Variants in APBB2 observed in about 807,000 individuals in gnomAD.
APBB2 encodes the protein amyloid beta precursor protein binding family B member 2.
APBB2 carries 38 observed loss-of-function variants against 82.5 expected under a neutral mutation model. The ratio of observed to expected loss-of-function variants is 0.46; its 90% confidence interval spans 0.36 to 0.60. The LOEUF (loss-of-function observed/expected upper bound fraction) is 0.60. APBB2 is among the 20% of genes least tolerant of loss of function. The probability of loss-of-function intolerance (pLI) is 0.00; values close to 1 mark genes in which losing one functional copy is unlikely to be tolerated. For synonymous variants in APBB2, 341 were observed against 368.2 expected (o/e 0.93, Z 0.85); for missense variants, 772 against 972.3 (o/e 0.79, Z 2.74).
intron 12 of APBB2, among the ~76,000 whole-genome samples, chr4:40,831,611 T>C (rs1329506005): frequency 6.6e-6 from 1 of 152,012 alleles, no homozygotes; most frequent in Non-Finnish European, 1.5e-5. Flanking sequence ...AAGCAAACAA[T>C]AGGCTCTGAT....
At chr4:40,902,644 C>T (rs1476067383) in intron 10 of APBB2, among the ~76,000 whole-genome samples, 2 of 152,206 alleles carry the variant, frequency 1.3e-5, no homozygotes, top group African/African-American at 2.4e-5. Flanking sequence ...AGCAATCCTT[C>T]CACCTCAGCC....
intron 1 of APBB2, among the ~76,000 whole-genome samples, chr4:41,199,940 G>A (rs1221146690): frequency 6.6e-6 from 1 of 152,168 alleles, no homozygotes; most frequent in Non-Finnish European, 1.5e-5. Context: ...TTCCACAATA[G>A]GCTAATTCAG....
intron 2 of APBB2, among the ~76,000 whole-genome samples, chr4:41,140,606 C>T (rs1359133015): frequency 2.0e-5 from 3 of 152,146 alleles, no homozygotes; most frequent in Admixed American, 6.5e-5. Context: ...CCCCTGGTAC[C>T]AGTCTGTGGC....
chr4:40,867,495 A>G (rs888498206), intron 12 of APBB2, among the ~76,000 whole-genome samples: 3 of 152,206 alleles, frequency 2.0e-5, no homozygotes, highest in African/African-American at 7.2e-5. Flanking sequence ...TAAGAGGTGA[A>G]GCCAAAATTT....
chr4:40,835,961 A>C (rs1490137761), intron 12 of APBB2, among the ~76,000 whole-genome samples: 1 of 152,116 alleles, frequency 6.6e-6, no homozygotes, highest in East Asian at 1.9e-4. Context: ...GCACCCCATC[A>C]CTGGAGTGGG....
intron 6 of APBB2, among the ~76,000 whole-genome samples, chr4:41,012,567 C>T (rs539051057): frequency 1.3e-5 from 2 of 151,794 alleles, no homozygotes; most frequent in East Asian, 3.9e-4. Context: ...AAAAACGCTA[C>T]TTTTTTTTTC....
chr4:41,000,995 C>T (rs192694486), intron 6 of APBB2, among the ~76,000 whole-genome samples: 1 of 152,212 alleles, frequency 6.6e-6, no homozygotes, highest in African/African-American at 2.4e-5. Flanking sequence ...TCTTTGTCCA[C>T]AGAGAGCAAG....
At chr4:40,904,223 G>A (rs1418874684) in intron 10 of APBB2, among the ~76,000 whole-genome samples, 1 of 152,098 alleles carries the variant, frequency 6.6e-6, no homozygotes, top group Non-Finnish European at 1.5e-5. Flanking sequence ...TTGAGGTCAG[G>A]AGTTCGAGAC....
At chr4:41,154,656 T>C (rs1763031977) in intron 1 of APBB2, among the ~76,000 whole-genome samples, 1 of 152,182 alleles carries the variant, frequency 6.6e-6, no homozygotes, top group African/African-American at 2.4e-5. Context: ...TCTCTTGAAA[T>C]TGTGTAACCT....
intron 10 of APBB2, among the ~76,000 whole-genome samples, chr4:40,912,853 G>A (rs1197871391): frequency 6.6e-6 from 1 of 152,194 alleles, no homozygotes; most frequent in Non-Finnish European, 1.5e-5. Flanking sequence ...TATTCCTGCT[G>A]ATACGCAGCA....
chr4:41,186,610 G>A (rs1772975233), intron 1 of APBB2, among the ~76,000 whole-genome samples: 1 of 152,154 alleles, frequency 6.6e-6, no homozygotes, highest in African/African-American at 2.4e-5. Context: ...TTGTAGTTCA[G>A]ATCTCTACTT....
At chr4:40,879,079 A>G (rs1186629192) in intron 12 of APBB2, among the ~76,000 whole-genome samples, 1 of 152,076 alleles carries the variant, frequency 6.6e-6, no homozygotes, top group Non-Finnish European at 1.5e-5. Flanking sequence ...AGTTGAAGTT[A>G]TAACAAAGAA....
rs764985059 is a variant in APBB2 at position 41,127,746 on chromosome 4, C to T, written c.-261+15241G>A. Among the ~76,000 whole-genome samples, 6 of 151,700 alleles carry T rather than the reference C, an allele frequency of 4.0e-5. No individual in the cohort carries two copies. Among genetic ancestry groups the T allele is most frequent in the African/African-American group, 9.7e-5 (4 of 41,282 alleles). On this transcript the variant is annotated intron_variant, in intron 2 of 17. Transcript: ENST00000508593. The surrounding 1 kb of genome is among the most constrained non-coding windows in gnomAD (Gnocchi z 4.8). ...CTGTAATCCCAGCACTTTGGGAGGCCGAGGTGGGTGGATTACCTGAGGTCA... is the reference window on the plus strand; with the variant it reads ...CTGTAATCCCAGCACTTTGGGAGGCTGAGGTGGGTGGATTACCTGAGGTCA...
chr4:41,166,771 C>T (rs2154049393), intron 1 of APBB2, among the ~76,000 whole-genome samples: 1 of 152,188 alleles, frequency 6.6e-6, no homozygotes, highest in Non-Finnish European at 1.5e-5. Flanking sequence ...GTGGCACATG[C>T]TTGTAATCTC....
At chr4:41,147,148 A>G (rs1761001253) in intron 1 of APBB2, among the ~76,000 whole-genome samples, 1 of 152,202 alleles carries the variant, frequency 6.6e-6, no homozygotes. Context: ...GGTATTTCAC[A>G]ATGAAATCAT....
At chr4:41,169,498 A>C (rs1767660953) in intron 1 of APBB2, among the ~76,000 whole-genome samples, 3 of 152,222 alleles carry the variant, frequency 2.0e-5, no homozygotes, top group African/African-American at 7.2e-5. Flanking sequence ...AGCAACTGCC[A>C]ATTTTGAACC....
chr4:41,053,171 G>A (rs989404476), intron 4 of APBB2, among the ~76,000 whole-genome samples: 2 of 151,780 alleles, frequency 1.3e-5, no homozygotes, highest in African/African-American at 4.8e-5. Context: ...CCAAGGCTAG[G>A]GAAAAAAGTG....
chr4:40,992,292 T>A (rs558674959), intron 6 of APBB2, among the ~76,000 whole-genome samples: 37 of 150,014 alleles, frequency 2.5e-4, no homozygotes, highest in Non-Finnish European at 1.2e-4. Flanking sequence ...GCCTCCCGAG[T>A]AGCTGGTACT....
At chr4:40,847,134 C>T (rs778407570) in intron 12 of APBB2, among the ~76,000 whole-genome samples, 2 of 152,114 alleles carry the variant, frequency 1.3e-5, no homozygotes, top group Admixed American at 6.6e-5. Flanking sequence ...CATGGGTTAG[C>T]TTCCTTTCTG....
Sources: allele counts gnomAD v4.1 joint callset (sites outside exome capture counted in the v4.1 genomes callset), GRCh38; gene constraint gnomAD v4.1.1; non-coding constraint Gnocchi (gnomAD v3.1); transcripts MANE v1.5; gene names NCBI Gene and HGNC (gene_info 2026-07-23, HGNC 2026-07-21).